The following LHFPL6 variants were observed in gnomAD, a reference collection of about 807,000 sequenced individuals.
The protein encoded by LHFPL6 is LHFPL tetraspan subfamily member 6, also known as LHFPL tetraspan subfamily member 6 protein.
A neutral mutation model predicts 20.6 loss-of-function variants in LHFPL6; 9 were observed. The ratio of observed to expected loss-of-function variants is 0.44; its 90% CI spans 0.26 to 0.76. The LOEUF is 0.76. Among genes scored for constraint, LHFPL6 ranks in the 30% least tolerant of loss-of-function variants. The pLI is 0.20. For missense variants in LHFPL6, 218 were observed against 253.5 expected (o/e 0.86, Z 0.95); for synonymous variants, 105 against 98.7 (o/e 1.06, Z -0.38).
intron 2 of LHFPL6, among the ~76,000 whole-genome samples, chr13:39,483,083 A>G (rs74044076): frequency 8.7e-4 from 132 of 152,316 alleles, no homozygotes; most frequent in African/African-American, 3.0e-3. Flanking sequence ...ACTTTGGGAA[A>G]TTCTACAGTG....
intron 3 of LHFPL6, among the ~76,000 whole-genome samples, chr13:39,347,987 G>A (rs939547874): frequency 6.6e-6 from 1 of 152,162 alleles, no homozygotes; most frequent in Non-Finnish European, 1.5e-5. Flanking sequence ...AAAAATTGCT[G>A]AGGCTAATTA....
chr13:39,360,325 T>C (rs12429978), intron 3 of LHFPL6, among the ~76,000 whole-genome samples: 6,474 of 97,832 alleles, frequency 0.066, 2,075 homozygotes, highest in East Asian at 0.26. Context: ...AGCCAAGACA[T>C]TTTTTAAAGA....
At chr13:39,480,589 G>C (rs556236681) in intron 2 of LHFPL6, among the ~76,000 whole-genome samples, 1 of 152,260 alleles carries the variant, frequency 6.6e-6, no homozygotes, top group South Asian at 2.1e-4. Context: ...TGCCATAATG[G>C]TAACATCTTT....
intron 3 of LHFPL6, among the ~76,000 whole-genome samples, chr13:39,370,163 G>C (rs948689789): frequency 1.7e-4 from 26 of 152,174 alleles, no homozygotes; most frequent in African/African-American, 5.8e-4. Context: ...GCGGGTGCCT[G>C]AACACTTTGC....
At chr13:39,598,730 G>T (rs1465538787) in intron 2 of LHFPL6, among the ~76,000 whole-genome samples, 1 of 151,920 alleles carries the variant, frequency 6.6e-6, no homozygotes, top group African/African-American at 2.4e-5. Context: ...TAATTTTTTT[G>T]TATTTTTTAG....
chr13:39,541,204 A>C (rs1398001613), intron 2 of LHFPL6, among the ~76,000 whole-genome samples: 1 of 152,216 alleles, frequency 6.6e-6, no homozygotes, highest in Non-Finnish European at 1.5e-5. Context: ...CAGCTGGGCC[A>C]CTACTGAGTA....
At chr13:39,346,175 A>T (rs1349363300) in intron 3 of LHFPL6, among the ~76,000 whole-genome samples, 1 of 152,204 alleles carries the variant, frequency 6.6e-6, no homozygotes, top group Non-Finnish European at 1.5e-5. Flanking sequence ...ATAAAAAGGC[A>T]ACGCAAGACA....
chr13:39,504,653 C>T (rs1869410487), intron 2 of LHFPL6, among the ~76,000 whole-genome samples: 1 of 152,192 alleles, frequency 6.6e-6, no homozygotes, highest in Non-Finnish European at 1.5e-5. Flanking sequence ...ACACCAGTTA[C>T]ATTGGATTAA....
At chr13:39,580,550 T>C (rs1455342783) in intron 2 of LHFPL6, among the ~76,000 whole-genome samples, 2 of 152,200 alleles carry the variant, frequency 1.3e-5, no homozygotes, top group Non-Finnish European at 2.9e-5. Flanking sequence ...TTCTTTATAA[T>C]TCTTTACTGT....
chr13:39,479,929 T>G (rs1428755535), intron 2 of LHFPL6, among the ~76,000 whole-genome samples: 1 of 152,194 alleles, frequency 6.6e-6, no homozygotes, highest in Admixed American at 6.5e-5. Context: ...AAGAAACCAG[T>G]AACCTGAGTC....
At chr13:39,474,775 G>T (rs945422629) in intron 2 of LHFPL6, among the ~76,000 whole-genome samples, 2 of 152,012 alleles carry the variant, frequency 1.3e-5, no homozygotes, top group Non-Finnish European at 2.9e-5. Flanking sequence ...GACCCATGGT[G>T]GGGGCAGGCC....
chr13:39,520,516 A>G (rs939144251), intron 2 of LHFPL6, among the ~76,000 whole-genome samples: 21 of 152,192 alleles, frequency 1.4e-4, no homozygotes, highest in Non-Finnish European at 1.3e-4. Context: ...AAAAATAAAA[A>G]AGAGTCCAAG....
At chr13:39,550,627 T>G (rs961910837) in intron 2 of LHFPL6, among the ~76,000 whole-genome samples, 1 of 152,070 alleles carries the variant, frequency 6.6e-6, no homozygotes, top group African/African-American at 2.4e-5. Flanking sequence ...TTAAATTGTT[T>G]TGAATAAACA....
Position 39,601,177 on chromosome 13 carries a change from A to T in LHFPL6, c.40T>A (p.Leu14Met). 1.2e-6 allele frequency: 2 copies of T among 1,613,974 alleles called. No homozygotes were observed. Among genetic ancestry groups the T allele is most frequent in the Non-Finnish European group, 1.7e-6 (2 of 1,179,972 alleles). The change falls in exon 2 of 4, where the codon TTG (leucine) becomes ATG (methionine). Residue 14 changes from leucine (L) to methionine (M), a missense_variant. Coordinates refer to ENST00000379589, the MANE Select transcript of LHFPL6 (RefSeq NM_005780.3). ...SLTCTGVIWA[L>M]LSFLCAATSC... The stretch of plus-strand genomic sequence containing the variant: ...GTGGCAGCACAAAGAAAAGACAGCA[A>T]AGCCCAGATTACTCCAGTACAAGTC...
intron 2 of LHFPL6, among the ~76,000 whole-genome samples, chr13:39,467,028 T>C (rs773097584): frequency 4.4e-4 from 67 of 152,198 alleles, no homozygotes; most frequent in African/African-American, 1.3e-3. Context: ...GCCACGCGAA[T>C]AGAAAAACAG....
intron 2 of LHFPL6, among the ~76,000 whole-genome samples, chr13:39,461,672 A>C (rs76369437): frequency 2.0e-5 from 3 of 152,180 alleles, no homozygotes; most frequent in African/African-American, 4.8e-5. Context: ...GGAAAAAAAA[A>C]CATGACCTTT....
At chr13:39,569,549 A>T (rs1871847545) in intron 2 of LHFPL6, among the ~76,000 whole-genome samples, 1 of 152,264 alleles carries the variant, frequency 6.6e-6, no homozygotes. Flanking sequence ...GTAGATTACC[A>T]GCAAGCAATA....
chr13:39,349,877 A>C (rs997395807), intron 3 of LHFPL6, among the ~76,000 whole-genome samples: 12 of 152,162 alleles, frequency 7.9e-5, no homozygotes, highest in Admixed American at 7.9e-4. Context: ...GGTCTTGCTA[A>C]AGTATTGCTC....
At chr13:39,555,056 A>G (rs573747625) in intron 2 of LHFPL6, among the ~76,000 whole-genome samples, 58 of 152,332 alleles carry the variant, frequency 3.8e-4, no homozygotes, top group Middle Eastern at 3.4e-3. Context: ...TTGCTCCATT[A>G]TCAAAAATAA....
Sources: allele counts gnomAD v4.1 joint callset (sites outside exome capture counted in the v4.1 genomes callset), GRCh38; gene constraint gnomAD v4.1.1; transcripts MANE v1.5; gene names NCBI Gene and HGNC (gene_info 2026-07-23, HGNC 2026-07-21).